The following PLN variants were observed in gnomAD, a reference collection of about 807,000 sequenced individuals.
PLN encodes cardiac phospholamban.
A neutral mutation model predicts 3.9 loss-of-function variants in PLN; 1 was observed. The observed-to-expected ratio is 0.26, with a 90% confidence interval of 0.09 to 1.23. The LOEUF (loss-of-function observed/expected upper bound fraction) is 1.23. Ranked by LOEUF, PLN falls within the 50% of genes most tolerant of loss-of-function variation. The pLI is 0.48. For synonymous variants in PLN, 21 were observed against 20.5 expected, an observed-to-expected ratio of 1.02 and a Z score of -0.07; for missense variants, 59 against 62.7, an observed-to-expected ratio of 0.94 and a Z score of 0.20.
chr6:118,551,779 G>C (rs1778560146), intron 1 of PLN, among the ~76,000 whole-genome samples: 1 of 151,648 alleles, frequency 6.6e-6, no homozygotes, highest in African/African-American at 2.4e-5. Context: ...CAGCCAGTCT[G>C]GACCAACAAA....
chr6:118,552,158 A>T (rs887295396), intron 1 of PLN, among the ~76,000 whole-genome samples: 54 of 152,034 alleles, frequency 3.6e-4, no homozygotes, highest in Non-Finnish European at 6.5e-4. Context: ...ATTCAATTTA[A>T]TAAAGTATTT....
rs1279995911 is a variant in PLN at position 118,561,241 on chromosome 6, T to C, written c.*2161T>C. ...ACAACAGGTGATACACTCACCTCAC[T>C]GGTTTTAGTAAATTACCAATACAGA... is the stretch of plus-strand genomic sequence containing the variant. On this transcript the variant is annotated 3_prime_UTR_variant, in exon 2 of 2. Transcript: ENST00000357525. Among the ~76,000 whole-genome samples the C allele has an allele frequency of 6.6e-6, 1 of 152,190 alleles. No homozygotes were observed. Among genetic ancestry groups the C allele is most frequent in the South Asian group, 2.1e-4 (1 of 4,836 alleles).
At chr6:118,552,198 TAAAC>T (rs1296845403) in intron 1 of PLN, among the ~76,000 whole-genome samples, 3 of 151,806 alleles carry the variant, frequency 2.0e-5, no homozygotes, top group Non-Finnish European at 2.9e-5. Context: ...ACTAAAAGAA[TAAAC>T]AAAATTAAAA....
chr6:118,557,694 A>C (rs1017402391), intron 1 of PLN, among the ~76,000 whole-genome samples: 2 of 152,144 alleles, frequency 1.3e-5, no homozygotes, highest in Non-Finnish European at 2.9e-5. Context: ...CCAGAATAAG[A>C]GGGTTGAAAA....
chr6:118,553,323 A>G (rs1778663594), intron 1 of PLN, among the ~76,000 whole-genome samples: 1 of 152,080 alleles, frequency 6.6e-6, no homozygotes, highest in African/African-American at 2.4e-5. Flanking sequence ...AAGGTCACAG[A>G]CAACTCCAAA....
chr6:118,561,577 TTCTTA>T lies in PLN; in HGVS notation c.*2503_*2507del, dbSNP rs137887206. 3.7e-3 allele frequency among the ~76,000 whole-genome samples: 567 copies of T among 152,228 alleles called. 3 individuals are homozygous for T. Among genetic ancestry groups the T allele is most frequent in the African/African-American group, 0.013 (539 of 41,566 alleles). On this transcript the variant is annotated 3_prime_UTR_variant, in exon 2 of 2. Transcript: ENST00000357525. ...CAAATATGTTCTACTATAGAATAAG[TTCTTA>T]TCTTAATTTACAGGGCACTAAAAAC...
Position 118,549,736 on chromosome 6 carries a change from T to C in PLN, c.-98+1344T>C, listed in dbSNP as rs75425489. ...ATTTGTGCATTTTTATTCAAATATC[T>C]ATCAAATTACATTCTCACACTTCAA... On this transcript the variant is annotated intron_variant, in intron 1 of 1. Transcript: ENST00000357525. 3.7e-3 allele frequency among the ~76,000 whole-genome samples: 564 copies of C among 152,036 alleles called. 3 individuals are homozygous for C. Among genetic ancestry groups the C allele is most frequent in the African/African-American group, 0.013 (538 of 41,566 alleles).
intron 1 of PLN, among the ~76,000 whole-genome samples, chr6:118,554,058 C>T (rs1778702549): frequency 6.6e-6 from 1 of 152,108 alleles, no homozygotes; most frequent in African/African-American, 2.4e-5. Context: ...CACTTGTAAT[C>T]CCAGGAATTA....
intron 1 of PLN, among the ~76,000 whole-genome samples, chr6:118,551,436 C>A (rs999166639): frequency 1.1e-4 from 16 of 151,890 alleles, no homozygotes; most frequent in African/African-American, 3.9e-4. Flanking sequence ...TCCCCATATT[C>A]TCTTCCCCCA....
chr6:118,555,976 T>C (rs528858638), intron 1 of PLN, among the ~76,000 whole-genome samples: 3 of 152,342 alleles, frequency 2.0e-5, no homozygotes, highest in African/African-American at 4.8e-5. Flanking sequence ...GCAAAAGACA[T>C]GATATCATTC....
intron 1 of PLN, among the ~76,000 whole-genome samples, chr6:118,555,524 A>G (rs1038731817): frequency 3.3e-5 from 5 of 152,208 alleles, no homozygotes; most frequent in African/African-American, 1.2e-4. Context: ...AACATAAGCA[A>G]ATATCAACAT....
At chr6:118,554,704 C>A (rs1221154892) in intron 1 of PLN, among the ~76,000 whole-genome samples, 1 of 152,146 alleles carries the variant, frequency 6.6e-6, no homozygotes, top group Non-Finnish European at 1.5e-5. Flanking sequence ...AGGTGACAAC[C>A]AATTCCACCT....
At chr6:118,555,218 T>A (rs897976828) in intron 1 of PLN, among the ~76,000 whole-genome samples, 3 of 151,854 alleles carry the variant, frequency 2.0e-5, no homozygotes, top group Non-Finnish European at 2.9e-5. Context: ...GATCACGAGG[T>A]CGGGAGATCG....
intron 1 of PLN, among the ~76,000 whole-genome samples, chr6:118,554,828 T>G (rs192010146): frequency 6.6e-6 from 1 of 152,114 alleles, no homozygotes; most frequent in Admixed American, 6.5e-5. Context: ...CAGGCAGAGA[T>G]AGAACAACAT....
Position 118,560,969 on chromosome 6 carries a change from A to G in PLN, c.*1889A>G, listed in dbSNP as rs1262791266. On this transcript the variant is annotated 3_prime_UTR_variant, in exon 2 of 2. Transcript: ENST00000357525. ...GAGTAGAGGATGTGTAATTAACCAT[A>G]TCTTCTAAAACATGGTTACTAAAAG... Among the ~76,000 whole-genome samples, 1 of 152,214 alleles carries G rather than the reference A, an allele frequency of 6.6e-6. No individual in the cohort carries two copies. The highest frequency in any genetic ancestry group is 1.5e-5 in the Non-Finnish European group (1 of 68,030).
intron 1 of PLN, among the ~76,000 whole-genome samples, chr6:118,555,614 C>A (rs1778815048): frequency 6.6e-6 from 1 of 152,094 alleles, no homozygotes; most frequent in Non-Finnish European, 1.5e-5. Flanking sequence ...AAACAAAAGT[C>A]ATTAAATATA....
Position 118,559,326 on chromosome 6 carries a change from T to C in PLN, c.*246T>C, listed in dbSNP as rs1272156836. ...AAAATAAGTGTATAAAATGCAACTG[T>C]TGATTTCCTCAACATGGCTCACAAA... is the stretch of plus-strand genomic sequence containing the variant. On this transcript the variant is annotated 3_prime_UTR_variant, in exon 2 of 2. Transcript: ENST00000357525. 1.2e-5 allele frequency: 6 copies of C among 481,836 alleles called. No individual in the cohort carries two copies. Among genetic ancestry groups the C allele is most frequent in the African/African-American group, 9.8e-5 (5 of 50,850 alleles). 29.8% of individuals were successfully genotyped at this position (481,836 alleles called of 1,614,324 possible).
chr6:118,549,021 T>G (rs776992620), intron 1 of PLN, among the ~76,000 whole-genome samples: 2 of 152,008 alleles, frequency 1.3e-5, no homozygotes, highest in Non-Finnish European at 2.9e-5. Context: ...AATTCCATGC[T>G]ATTAATAAAT....
At chr6:118,549,083 T>G (rs1239836881) in intron 1 of PLN, among the ~76,000 whole-genome samples, 1 of 152,016 alleles carries the variant, frequency 6.6e-6, no homozygotes, top group East Asian at 1.9e-4. Flanking sequence ...TTTAGAAATT[T>G]TAAAACAATG....
Sources: gnomAD v4.1 joint callset for allele counts (sites outside exome capture counted in the v4.1 genomes callset) on GRCh38, gnomAD v4.1.1 for gene constraint, MANE v1.5 for transcripts, NCBI Gene and HGNC (gene_info 2026-07-23, HGNC 2026-07-21) for gene names.